The following TMEM267 variants were observed in gnomAD, a reference collection of about 807,000 sequenced individuals.
The protein encoded by TMEM267 is transmembrane protein C5orf28.
A neutral mutation model predicts 19.3 loss-of-function variants in TMEM267; 20 were observed. The observed-to-expected ratio is 1.04, with a 90% CI of 0.73 to 1.51. TMEM267 has a LOEUF of 1.51. Ranked by LOEUF, TMEM267 falls within the 40% of genes most tolerant of loss-of-function variation. TMEM267 has a pLI of 0.00. For missense variants in TMEM267, 242 were observed against 261.9 expected (o/e 0.92, Z 0.52); for synonymous variants, 88 against 90.3 (o/e 0.97, Z 0.15).
intron 1 of TMEM267, among the ~76,000 whole-genome samples, chr5:43,465,140 G>A (rs1743566846): frequency 6.6e-6 from 1 of 152,200 alleles, no homozygotes; most frequent in East Asian, 1.9e-4. Context: ...TCCAAAAGTG[G>A]GCAAAGGATA....
At chr5:43,468,657 A>AG (rs1233628638) in intron 1 of TMEM267, among the ~76,000 whole-genome samples, 2 of 152,124 alleles carry the variant, frequency 1.3e-5, no homozygotes, top group Non-Finnish European at 2.9e-5. Context: ...GGCAAAATAA[A>AG]CTTTCTAAAT....
At chr5:43,450,667 T>C (rs1026832851) in intron 2 of TMEM267, among the ~76,000 whole-genome samples, 1 of 152,196 alleles carries the variant, frequency 6.6e-6, no homozygotes, top group African/African-American at 2.4e-5. Flanking sequence ...TTCATATTCT[T>C]AACAATAGTG....
At chr5:43,456,375 C>A (rs924123307) in intron 1 of TMEM267, among the ~76,000 whole-genome samples, 11 of 151,806 alleles carry the variant, frequency 7.2e-5, no homozygotes, top group Admixed American at 5.2e-4. Flanking sequence ...TTGGGTCACG[C>A]AAAGAGTTAT....
At chr5:43,479,959 G>A (rs1268414484) in intron 1 of TMEM267, 2 of 404,172 alleles carry the variant, frequency 4.9e-6, no homozygotes, top group Non-Finnish European at 4.8e-6. Flanking sequence ...ATGAATCATT[G>A]TCTCCTTTAG....
At chr5:43,469,599 A>T (rs1185419910) in intron 1 of TMEM267, among the ~76,000 whole-genome samples, 1 of 152,230 alleles carries the variant, frequency 6.6e-6, no homozygotes, top group Non-Finnish European at 1.5e-5. Context: ...CTGGGTATGG[A>T]AGAACATACC....
At chr5:43,452,404 C>T (rs991951243) in intron 2 of TMEM267, among the ~76,000 whole-genome samples, 2 of 152,032 alleles carry the variant, frequency 1.3e-5, no homozygotes, top group African/African-American at 2.4e-5. Flanking sequence ...ACAATGGGTA[C>T]ACATGGACAT....
intron 2 of TMEM267, among the ~76,000 whole-genome samples, chr5:43,452,727 T>C (rs775280121): frequency 3.9e-5 from 6 of 152,232 alleles, no homozygotes; most frequent in Admixed American, 6.5e-5. Flanking sequence ...TGTCTTTAAT[T>C]AGCAATTACT....
rs1157816731 is a variant in TMEM267, at chr5:43,453,650, C to A, written c.312+8G>T. ...AAAGATCAGAAAAATTAAGCCTATGCTTTTTACCTTTAAAGACATGGATCC... is the reference window on the plus strand; with the variant it reads ...AAAGATCAGAAAAATTAAGCCTATGATTTTTACCTTTAAAGACATGGATCC... On this transcript the variant is annotated splice_region_variant and intron_variant, in intron 2 of 2. Coordinates refer to ENST00000397080, the MANE Select transcript of TMEM267 (RefSeq NM_022483.5). The A allele has an allele frequency of 6.2e-7, 1 of 1,608,856 alleles. No individual in the cohort carries two copies. The highest frequency in any genetic ancestry group is 1.3e-5 in the African/African-American group (1 of 74,518).
At chr5:43,483,319 GGT>G (rs1489883979) in intron 1 of TMEM267, among the ~76,000 whole-genome samples, 2 of 152,178 alleles carry the variant, frequency 1.3e-5, no homozygotes, top group African/African-American at 4.8e-5. Flanking sequence ...TTCTGAGTCT[GGT>G]GTGATGCAAT....
At chr5:43,480,713 T>C (rs767434631) in intron 1 of TMEM267, among the ~76,000 whole-genome samples, 2 of 151,720 alleles carry the variant, frequency 1.3e-5, no homozygotes, top group African/African-American at 2.4e-5. Flanking sequence ...ATGATGTCCT[T>C]ATAAAGCCAG....
intron 1 of TMEM267, among the ~76,000 whole-genome samples, chr5:43,459,000 C>A (rs371173732): frequency 2.7e-5 from 4 of 148,038 alleles, no homozygotes; most frequent in African/African-American, 4.9e-5. Flanking sequence ...GTTTCTATGT[C>A]AAAAAAAAAA....
chr5:43,466,857 AGAAG>A lies in TMEM267; in HGVS notation c.-74-12818_-74-12815del, dbSNP rs142310280. On this transcript the variant is annotated intron_variant, in intron 1 of 2. Transcript: ENST00000397080. ...CTAAAGGAAGACAGGAAGGAAAGAA[AGAAG>A]GAAGAGGCCAGATGCAGTGGCTCAT... is the stretch of plus-strand genomic sequence containing the variant. 9.6e-3 allele frequency among the ~76,000 whole-genome samples: 1,458 copies of A among 152,288 alleles called. 11 individuals are homozygous for A. The highest frequency in any genetic ancestry group is 0.051 in the Middle Eastern group (15 of 294).
chr5:43,481,501 G>A (rs560599421), intron 1 of TMEM267, among the ~76,000 whole-genome samples: 5 of 152,228 alleles, frequency 3.3e-5, no homozygotes, highest in African/African-American at 1.2e-4. Context: ...ATTACTTGAA[G>A]TATTTACATG....
intron 1 of TMEM267, among the ~76,000 whole-genome samples, chr5:43,462,098 A>G (rs974324370): frequency 3.3e-5 from 5 of 152,156 alleles, no homozygotes; most frequent in African/African-American, 1.2e-4. Flanking sequence ...ACAGAAACAG[A>G]CTGTTTGAGG....
chr5:43,449,417 G>T (rs1742449391), intron 2 of TMEM267, among the ~76,000 whole-genome samples: 1 of 151,914 alleles, frequency 6.6e-6, no homozygotes, highest in Admixed American at 6.6e-5. Context: ...CCCTAAAGAA[G>T]AAAAACAAAG....
chr5:43,465,302 A>G (rs542423625), intron 1 of TMEM267, among the ~76,000 whole-genome samples: 1 of 152,352 alleles, frequency 6.6e-6, no homozygotes, highest in African/African-American at 2.4e-5. Flanking sequence ...AAAAGTCAGG[A>G]AACAACAGGT....
intron 1 of TMEM267, among the ~76,000 whole-genome samples, chr5:43,465,252 A>G (rs1037906889): frequency 1.3e-5 from 2 of 152,202 alleles, no homozygotes; most frequent in Admixed American, 6.5e-5. Flanking sequence ...CAAAACCACA[A>G]TGAGATACCA....
chr5:43,478,207 T>C (rs1290369711), intron 1 of TMEM267, among the ~76,000 whole-genome samples: 1 of 152,248 alleles, frequency 6.6e-6, no homozygotes, highest in Non-Finnish European at 1.5e-5. Context: ...AGACAAAACC[T>C]AGTTTGGATA....
At chr5:43,472,136 G>A (rs1313468965) in intron 1 of TMEM267, among the ~76,000 whole-genome samples, 1 of 152,126 alleles carries the variant, frequency 6.6e-6, no homozygotes, top group Non-Finnish European at 1.5e-5. Context: ...CAAAATATTT[G>A]AATAGACATT....
Sources: allele counts gnomAD v4.1 joint callset (sites outside exome capture counted in the v4.1 genomes callset), GRCh38; gene constraint gnomAD v4.1.1; transcripts MANE v1.5; gene names NCBI Gene and HGNC (gene_info 2026-07-23, HGNC 2026-07-21).